Variants in LMTK3 observed in about 807,000 individuals in gnomAD.
The protein encoded by LMTK3 is serine/threonine-protein kinase LMTK3.
In LMTK3, 27 loss-of-function variants were observed where a neutral mutation model predicts 116.7. That is an observed-to-expected ratio of 0.23 (90% CI 0.17 to 0.32). The LOEUF (loss-of-function observed/expected upper bound fraction) is 0.32, where lower values mean the gene tolerates loss of function less well. Ranked by LOEUF, LMTK3 falls within the 10% of genes least tolerant of loss-of-function variation. LMTK3 has a pLI of 1.00. For synonymous variants in LMTK3, 965 were observed against 971.0 expected, an observed-to-expected ratio of 0.99 and a Z score of 0.11; for missense variants, 1,764 against 2,068.5, an observed-to-expected ratio of 0.85 and a Z score of 2.86.
Position 48,498,326 on chromosome 19 carries a change from G to C in LMTK3, c.2743C>G (p.Gln915Glu). ...ACTGGGAGGCTCAGGCTTGGGGCTT[G>C]TTTCCCGTTGCCCAGGACTGTCGGG... ...RDPTVLGNGKQAPSLSLPVNG... is the reference protein window; with the variant it reads ...RDPTVLGNGKEAPSLSLPVNG... Residue 915 changes from glutamine (Q) to glutamate (E), a missense_variant, in exon 11 of 15, where the codon CAA (glutamine) becomes GAA (glutamate). Physicochemically the swap from Gln to Glu is conservative, Grantham distance 29. Around this residue, in one of 7 missense-constraint regions of LMTK3, gnomAD observed 1,028 missense variants for 1,050.6 expected, o/e 0.98. Coordinates refer to ENST00000600059, the MANE Select transcript of LMTK3 (RefSeq NM_001388485.1). The C allele has an allele frequency of 1.2e-6, 2 of 1,613,256 alleles. No individual in the cohort carries two copies. Among genetic ancestry groups the C allele is most frequent in the Non-Finnish European group, 1.7e-6 (2 of 1,179,744 alleles).
intron 5 of LMTK3, among the ~76,000 whole-genome samples, chr19:48,508,542 A>G (rs1369441805): frequency 6.6e-6 from 1 of 152,076 alleles, no homozygotes; most frequent in Non-Finnish European, 1.5e-5. Flanking sequence ...ACATCCTCTC[A>G]GCTGCCCTCT....
chr19:48,502,412 G>T (rs1435679464), intron 7 of LMTK3, 21 bp downstream of exon 7: 1 of 1,588,144 alleles, frequency 6.3e-7, no homozygotes. Context: ...AGCTCCTCCC[G>T]CGGCTCCCCG....
chr19:48,494,237 G>A lies in LMTK3; in HGVS notation c.3677-128C>T. 2.2e-6 allele frequency: 1 copy of A among 452,906 alleles called. No individual in the cohort carries two copies. The highest frequency in any genetic ancestry group is 7.5e-5 in the East Asian group (1 of 13,394). 28.1% of individuals were successfully genotyped at this position (452,906 alleles called of 1,614,324 possible). A position where few individuals can be genotyped will look rare whatever the true frequency, so the allele number is the denominator to read the frequency against. ...CTCAGCACCCACTTTGTGAACGGAA[G>A]GGCTGCACCAGGGCTTCTCCAGGCA... On this transcript the variant is annotated intron_variant, in intron 11 of 14. Coordinates refer to ENST00000600059, the MANE Select transcript of LMTK3 (RefSeq NM_001388485.1). This position sits in a 1 kb window ranked among gnomAD's most constrained non-coding sequence, Gnocchi z 4.0.
rs550436465 is a variant in LMTK3 at position 48,498,900 on chromosome 19, G to C, written c.2169C>G (p.Ala723=). The change falls in exon 11 of 15, where the codon GCC becomes GCG. Residue 723 remains alanine, a synonymous_variant. Transcript: ENST00000600059. The part of the protein sequence containing the change: ...ERGSLADLPM[A]PPASAPPEFL... ...ACTCGGGGGGGGCCGAGGCGGGGGGGGCCATGGGCAAGTCGGCCAGGGAGC... is the reference window on the plus strand; with the variant it reads ...ACTCGGGGGGGGCCGAGGCGGGGGGCGCCATGGGCAAGTCGGCCAGGGAGC... 6.3e-4 allele frequency: 771 copies of C among 1,219,454 alleles called. No individual in the cohort carries two copies. The highest frequency in any genetic ancestry group is 2.8e-3 in the South Asian group (104 of 36,912). The allele number at this position is 1,219,454 out of a possible 1,614,324, so 75.5% of individuals were successfully genotyped here. A position where few individuals can be genotyped will look rare whatever the true frequency, so the allele number is the denominator to read the frequency against.
chr19:48,498,855 C>A lies in LMTK3; in HGVS notation c.2214G>T (p.Gly738=). ...GCCCGGGGTACTGGGGCGCCGCCGC[C>A]CCCATGAGGGGGTCCAGAAACTCGG... is the stretch of plus-strand genomic sequence containing the variant. The part of the protein sequence containing the change: ...APPEFLDPLM[G]AAAPQYPGRG... Residue 738 remains glycine (G), a synonymous_variant, in exon 11 of 15, where the codon GGG becomes GGT. Coordinates refer to ENST00000600059, the MANE Select transcript of LMTK3 (RefSeq NM_001388485.1). 8.1e-7 allele frequency: 1 copy of A among 1,229,462 alleles called. No individual in the cohort carries two copies. The highest frequency in any genetic ancestry group is 1.0e-6 in the Non-Finnish European group (1 of 967,372). The allele number at this position is 1,229,462 out of a possible 1,614,324, so 76.2% of individuals were successfully genotyped here.
chr19:48,499,820 G>A lies in LMTK3; in HGVS notation c.1249C>T (p.Pro417Ser). Residue 417 changes from proline to serine, a missense_variant, in exon 11 of 15, where the codon CCC becomes TCC. Pro to Ser is a moderately conservative substitution (Grantham distance 74, BLOSUM62 -1). Transcript: ENST00000600059. ...GGGGGTGGCGGCGGTGGGGGCCGGG[G>A]AGGCCGCTCGGAGAGCAAGTAGGTG... ...QLTYLLSERP[P>S]RPPPPPPPPR... is the part of the protein sequence containing the mutation. The A allele has an allele frequency of 6.4e-7, 1 of 1,563,098 alleles. No individual in the cohort carries two copies. Among genetic ancestry groups the A allele is most frequent in the Non-Finnish European group, 8.7e-7 (1 of 1,155,740 alleles).
At chr19:48,510,433 A>C in intron 2 of LMTK3, 26 bp downstream of exon 2, 2 of 1,583,950 alleles carry the variant, frequency 1.3e-6, no homozygotes, top group Non-Finnish European at 1.7e-6. Context: ...CTTCCTCCCC[A>C]AGTTGAATCC....
At chr19:48,509,157 A>C (rs2147560630) in intron 4 of LMTK3, among the ~76,000 whole-genome samples, 188 bp from the exon 5 acceptor site, 1 of 152,096 alleles carries the variant, frequency 6.6e-6, no homozygotes, top group Admixed American at 6.5e-5. Flanking sequence ...CGATGGACGC[A>C]GGGACGGATG....
Position 48,499,403 on chromosome 19 carries a change from C to T in LMTK3, c.1666G>A (p.Asp556Asn). ...GSPPEPLFPNDWDPLDPGVPA... is the reference protein window; with the variant it reads ...GSPPEPLFPNNWDPLDPGVPA... Reference sequence around the variant, plus strand: ...ACTCCTGGGTCCAGGGGGTCCCAGTCGTTGGGGAAGAGGGGCTCAGGAGGG... The same window carrying T: ...ACTCCTGGGTCCAGGGGGTCCCAGTTGTTGGGGAAGAGGGGCTCAGGAGGG... The change falls in exon 11 of 15, where the codon GAC becomes AAC. Residue 556 changes from aspartate to asparagine, a missense_variant. Physicochemically the swap from Asp to Asn is conservative, Grantham distance 23. Transcript: ENST00000600059. 3 of 1,448,908 alleles carry T rather than the reference C, an allele frequency of 2.1e-6. No individual in the cohort carries two copies. Among genetic ancestry groups the T allele is most frequent in the Non-Finnish European group, 2.7e-6 (3 of 1,099,652 alleles). 89.8% of individuals were successfully genotyped at this position (1,448,908 alleles called of 1,614,324 possible). A position where few individuals can be genotyped will look rare whatever the true frequency, so the allele number is the denominator to read the frequency against.
At chr19:48,502,885 TC>T (rs1205655941) in intron 6 of LMTK3, 23 bp downstream of exon 6, 3 of 1,583,044 alleles carry the variant, frequency 1.9e-6, no homozygotes, top group South Asian at 2.2e-5. Context: ...CCTCTGCCCT[TC>T]CCCAACCCCC....
Position 48,497,363 on chromosome 19 carries a change from A to G in LMTK3, c.3676+30T>C, listed in dbSNP as rs1972345513. 6.9e-7 allele frequency: 1 copy of G among 1,442,182 alleles called. No individual in the cohort carries two copies. The highest frequency in any genetic ancestry group is 9.1e-7 in the Non-Finnish European group (1 of 1,094,568). The allele number at this position is 1,442,182 out of a possible 1,614,324, so 89.3% of individuals were successfully genotyped here. Reference sequence around the variant, plus strand: ...CACGCCTCGGAAACAGCCGGACCTCAGCCCTGACTGTGCCCCGCAGCCTCC... The same window carrying G: ...CACGCCTCGGAAACAGCCGGACCTCGGCCCTGACTGTGCCCCGCAGCCTCC... On this transcript the variant is annotated intron_variant, in intron 11 of 14. Transcript: ENST00000600059. The surrounding 1 kb of genome is among the most constrained non-coding windows in gnomAD (Gnocchi z 5.7).
In LMTK3 at chr19:48,497,897, G is replaced by A; in HGVS notation, c.3172C>T (p.Pro1058Ser). ...TTCCGGGAGGAGACCACTGCGCTGG[G>A]TGCAGGGGCTCTCTCCAGAGAGGTC... ...PETSLERAPA[P>S]SAVVSSRNGG... is the part of the protein sequence containing the mutation. The change falls in exon 11 of 15, where the codon CCC becomes TCC. Residue 1058 changes from proline to serine, a missense_variant. Pro to Ser is a moderately conservative substitution (Grantham distance 74). Around this residue, in one of 7 missense-constraint regions of LMTK3, gnomAD observed 1,028 missense variants for 1,050.6 expected, o/e 0.98. Transcript: ENST00000600059. The surrounding 1 kb of genome is among the most constrained non-coding windows in gnomAD (Gnocchi z 5.7). 3 of 1,492,156 alleles carry A rather than the reference G, an allele frequency of 2.0e-6. No homozygotes were observed. The highest frequency in any genetic ancestry group is 1.4e-5 in the South Asian group (1 of 73,420). The allele number at this position is 1,492,156 out of a possible 1,614,324, so 92.4% of individuals were successfully genotyped here.
At chr19:48,507,468 C>T (rs535754890) in intron 5 of LMTK3, among the ~76,000 whole-genome samples, 5 of 152,242 alleles carry the variant, frequency 3.3e-5, no homozygotes, top group East Asian at 1.9e-4. Flanking sequence ...CAGAGCTTTG[C>T]GAAGGTGGGA....
intron 11 of LMTK3, among the ~76,000 whole-genome samples, chr19:48,495,249 A>T (rs1334441722): frequency 2.0e-5 from 3 of 151,952 alleles, no homozygotes; most frequent in Non-Finnish European, 4.4e-5. Context: ...ACCTCAGGCG[A>T]TCCTCCCACC....
intron 14 of LMTK3, among the ~76,000 whole-genome samples, chr19:48,487,492 A>G (rs187450044): frequency 6.6e-6 from 1 of 152,224 alleles, no homozygotes; most frequent in African/African-American, 2.4e-5. Context: ...TCCTTGTGGA[A>G]AAGCTTCCTG....
chr19:48,498,867 G>A lies in LMTK3; in HGVS notation c.2202C>T (p.Asp734=), dbSNP rs1387395232. ...GGGGCGCCGCCGCCCCCATGAGGGG[G>A]TCCAGAAACTCGGGGGGGGCCGAGG... ...PPASAPPEFL[D]PLMGAAAPQY... Residue 734 remains aspartate, a synonymous_variant, in exon 11 of 15, where the codon GAC becomes GAT. Coordinates refer to ENST00000600059, the MANE Select transcript of LMTK3 (RefSeq NM_001388485.1). The A allele has an allele frequency of 5.9e-6, 7 of 1,190,246 alleles. No individual in the cohort carries two copies. The highest frequency in any genetic ancestry group is 7.5e-6 in the Non-Finnish European group (7 of 937,292). 73.7% of individuals were successfully genotyped at this position (1,190,246 alleles called of 1,614,324 possible). A position where few individuals can be genotyped will look rare whatever the true frequency, so the allele number is the denominator to read the frequency against.
At chr19:48,504,590 C>T (rs2147555076) in intron 5 of LMTK3, among the ~76,000 whole-genome samples, 1 of 151,956 alleles carries the variant, frequency 6.6e-6, no homozygotes, top group Admixed American at 6.6e-5. Context: ...TGCTCTTTCG[C>T]CCAGTCTGGA....
At chr19:48,509,062 C>T (rs1569107587) in intron 4 of LMTK3, 93 bp from the exon 5 acceptor site, 4 of 805,610 alleles carry the variant, frequency 5.0e-6, no homozygotes, top group Non-Finnish European at 7.9e-6. Context: ...TCCCAACCCC[C>T]GGCTCCTTCC....
chr19:48,493,149 T>A (rs1180943112), intron 12 of LMTK3, among the ~76,000 whole-genome samples: 1 of 145,742 alleles, frequency 6.9e-6, no homozygotes, highest in Non-Finnish European at 1.5e-5. Context: ...CAGGCCCGGA[T>A]CCAGACTCTG....
Sources: allele counts gnomAD v4.1 joint callset (sites outside exome capture counted in the v4.1 genomes callset), GRCh38; gene constraint gnomAD v4.1.1; regional missense constraint gnomAD v4.1.1; non-coding constraint Gnocchi (gnomAD v3.1); transcripts MANE v1.5; gene names NCBI Gene and HGNC (gene_info 2026-07-23, HGNC 2026-07-21).